Variants in CPED1 observed in about 807,000 individuals in gnomAD.
CPED1 encodes the protein cadherin like and PC-esterase domain containing 1, also known as cadherin-like and PC-esterase domain-containing protein 1.
CPED1 carries 114 observed loss-of-function variants against 128.2 expected under a neutral mutation model. That is an observed-to-expected ratio of 0.89 (90% CI 0.76 to 1.04). The LOEUF (loss-of-function observed/expected upper bound fraction) is 1.04. CPED1 is among the 50% of genes least tolerant of loss of function. CPED1 has a pLI of 0.00. For missense variants in CPED1, 1,211 were observed against 1,207.1 expected, an observed-to-expected ratio of 1.00 and a Z score of -0.05; for synonymous variants, 462 against 426.7, an observed-to-expected ratio of 1.08 and a Z score of -1.02.
intron 16 of CPED1, among the ~76,000 whole-genome samples, chr7:121,167,437 C>T (rs188014350): frequency 1.3e-5 from 2 of 152,294 alleles, no homozygotes; most frequent in African/African-American, 4.8e-5. Context: ...TTGAATCCTT[C>T]ACCCTCCACT....
At chr7:121,065,227 AAAT>A (rs1225619957) in intron 5 of CPED1, among the ~76,000 whole-genome samples, 1 of 152,170 alleles carries the variant, frequency 6.6e-6, no homozygotes, top group Non-Finnish European at 1.5e-5. Flanking sequence ...AATTAAAATA[AAAT>A]AATCTCAATT....
At position 121,021,872 on chromosome 7, in the gene CPED1, T is replaced by C. The variant is rs375877901; in HGVS notation, c.433+6024T>C. Among the ~76,000 whole-genome samples, 7 of 152,048 alleles carry C rather than the reference T, an allele frequency of 4.6e-5. No individual in the cohort carries two copies. In the East Asian group the frequency reaches 1.2e-3, roughly 25 times the overall value. ...GACATTTCCCCTGTAGGGAGGTGTA[T>C]TTAAAATATGCAGTAGTGTAAGAGT... is the stretch of plus-strand genomic sequence containing the variant. On this transcript the variant is annotated intron_variant, in intron 3 of 22. Transcript: ENST00000310396.
intron 16 of CPED1, among the ~76,000 whole-genome samples, chr7:121,146,660 T>G (rs1366794420): frequency 2.6e-5 from 4 of 152,192 alleles, no homozygotes; most frequent in Non-Finnish European, 5.9e-5. Flanking sequence ...TAAGATAATT[T>G]GATTAATTTA....
At chr7:121,199,894 T>C (rs1293268151) in intron 16 of CPED1, among the ~76,000 whole-genome samples, 1 of 152,090 alleles carries the variant, frequency 6.6e-6, no homozygotes, top group East Asian at 1.9e-4. Context: ...ATATCCAAAA[T>C]ATTATGTTTC....
intron 5 of CPED1, among the ~76,000 whole-genome samples, chr7:121,078,531 C>A (rs900320079): frequency 6.4e-5 from 9 of 140,986 alleles, no homozygotes; most frequent in African/African-American, 7.9e-5. Flanking sequence ...AAAAAGACTT[C>A]TATTATTGAC....
At chr7:121,047,158 C>T (rs1429802707) in intron 4 of CPED1, among the ~76,000 whole-genome samples, 165 bp downstream of exon 4, 1 of 152,164 alleles carries the variant, frequency 6.6e-6, no homozygotes, top group Non-Finnish European at 1.5e-5. Context: ...AAATAGTCAC[C>T]ACTTTTTGTT....
At chr7:120,993,571 A>G (rs1004929812) in intron 2 of CPED1, among the ~76,000 whole-genome samples, 1 of 152,208 alleles carries the variant, frequency 6.6e-6, no homozygotes, top group African/African-American at 2.4e-5. Flanking sequence ...TGCATTTCTA[A>G]TAGTAAATAG....
intron 16 of CPED1, among the ~76,000 whole-genome samples, chr7:121,183,890 T>A (rs748091352): frequency 6.6e-6 from 1 of 152,082 alleles, no homozygotes; most frequent in Admixed American, 6.6e-5. Context: ...AAATTATTTC[T>A]TCACTTTGCA....
rs2116221668 is a variant in CPED1, at chr7:121,099,478, C to T, written c.750-448C>T. ...CGCCTCCCAGGTTCAAGTGATTCTCCTGCCTCAGCCTCCCAAGTAGCTGGG... is the reference window on the plus strand; with the variant it reads ...CGCCTCCCAGGTTCAAGTGATTCTCTTGCCTCAGCCTCCCAAGTAGCTGGG... On this transcript the variant is annotated intron_variant, in intron 6 of 22. Coordinates refer to ENST00000310396, the MANE Select transcript of CPED1 (RefSeq NM_024913.5). Among the ~76,000 whole-genome samples the T allele has an allele frequency of 1.3e-5, 2 of 152,236 alleles. 1 individual carries two copies. The highest frequency in any genetic ancestry group is 4.2e-4 in the South Asian group (2 of 4,818).
In CPED1 at chr7:121,245,145, A is replaced by G. The variant is rs180880477; in HGVS notation, c.2310+807A>G. ...CACAAAGCTCTATTAAAACACATAG[A>G]AAAAAAGGCCTGGGCAGAAGGTATG... On this transcript the variant is annotated intron_variant, in intron 18 of 22. Transcript: ENST00000310396. 2.6e-5 allele frequency among the ~76,000 whole-genome samples: 4 copies of G among 152,276 alleles called. No individual in the cohort carries two copies. The East Asian group carries it at 5.8e-4, about 22-fold the overall frequency.
At chr7:120,989,984 T>C (rs1161782983) in intron 2 of CPED1, 114 bp downstream of exon 2, 4 of 1,265,516 alleles carry the variant, frequency 3.2e-6, no homozygotes, top group Non-Finnish European at 4.4e-6. Flanking sequence ...GGATCCAGAG[T>C]GTAAACAGCC....
chr7:121,068,601 CT>C (rs919732854), intron 5 of CPED1, among the ~76,000 whole-genome samples: 1 of 151,342 alleles, frequency 6.6e-6, no homozygotes. Context: ...AATGTGGGCT[CT>C]TTTTTGGTTC....
At chr7:121,093,637 G>T (rs1031389669) in intron 5 of CPED1, among the ~76,000 whole-genome samples, 6 of 152,122 alleles carry the variant, frequency 3.9e-5, no homozygotes, top group Non-Finnish European at 7.4e-5. Flanking sequence ...TTGAGGACAG[G>T]AGGAAATAAT....
intron 22 of CPED1, among the ~76,000 whole-genome samples, chr7:121,278,255 A>G (rs1447879937): frequency 1.3e-5 from 2 of 152,194 alleles, no homozygotes; most frequent in African/African-American, 2.4e-5. Context: ...GAATAAAAAT[A>G]CAGGACAAAG....
chr7:121,249,328 C>T (rs1463995825), intron 18 of CPED1, among the ~76,000 whole-genome samples: 2 of 152,042 alleles, frequency 1.3e-5, no homozygotes, highest in African/African-American at 2.4e-5. Flanking sequence ...ATGGAGAACT[C>T]CAGCTATATG....
intron 3 of CPED1, among the ~76,000 whole-genome samples, chr7:121,042,148 G>A (rs1039274145): frequency 6.6e-6 from 1 of 151,278 alleles, no homozygotes; most frequent in African/African-American, 2.4e-5. Flanking sequence ...AAAAAACTAA[G>A]AAAGTTTTAA....
In CPED1 at chr7:121,097,696, C is replaced by T. The variant is rs1275552548; in HGVS notation, c.617-3C>T. 5 of 1,613,100 alleles carry T rather than the reference C, an allele frequency of 3.1e-6. No individual in the cohort carries two copies. Among genetic ancestry groups the T allele is most frequent in the Non-Finnish European group, 4.2e-6 (5 of 1,179,576 alleles). On this transcript the variant is annotated splice_region_variant and splice_polypyrimidine_tract_variant and intron_variant, in intron 5 of 22. Coordinates refer to ENST00000310396, the MANE Select transcript of CPED1 (RefSeq NM_024913.5). ...TGTCTTCTGCTCTCTTGAATCTTTT[C>T]AGAACTGCAACTTCCAGTGAGTCCC...
intron 3 of CPED1, among the ~76,000 whole-genome samples, chr7:121,044,880 C>T (rs1314169215): frequency 6.6e-6 from 1 of 151,870 alleles, no homozygotes; most frequent in Non-Finnish European, 1.5e-5. Flanking sequence ...TACTCTGAGA[C>T]CAAAACACTG....
At chr7:121,181,935 A>G (rs997359062) in intron 16 of CPED1, among the ~76,000 whole-genome samples, 9 of 152,110 alleles carry the variant, frequency 5.9e-5, no homozygotes, top group Admixed American at 5.9e-4. Context: ...GTTCTGAGTT[A>G]GATATTCTTA....
Sources: gnomAD v4.1 joint callset for allele counts (sites outside exome capture counted in the v4.1 genomes callset) on GRCh38, gnomAD v4.1.1 for gene constraint, MANE v1.5 for transcripts, NCBI Gene and HGNC (gene_info 2026-07-23, HGNC 2026-07-21) for gene names.